The following ADAMTSL1 variants were observed in gnomAD, a reference collection of about 807,000 sequenced individuals.
ADAMTSL1 encodes ADAMTS-like protein 1.
Under a neutral mutation model 201.8 loss-of-function variants are expected in ADAMTSL1, and 126 were observed. The observed-to-expected ratio is 0.62, with a 90% confidence interval of 0.54 to 0.72. ADAMTSL1 has a LOEUF of 0.72. ADAMTSL1 is among the 30% of genes least tolerant of loss of function. ADAMTSL1 has a pLI of 0.00. For synonymous variants in ADAMTSL1, 1,121 were observed against 903.4 expected, an observed-to-expected ratio of 1.24 and a Z score of -4.32; for missense variants, 2,679 against 2,277.8, an observed-to-expected ratio of 1.18 and a Z score of -3.59.
chr9:18,170,446 T>C (rs1319920286), intron 2 of ADAMTSL1, among the ~76,000 whole-genome samples: 1 of 151,992 alleles, frequency 6.6e-6, no homozygotes, highest in East Asian at 1.9e-4. Context: ...AATATAATTT[T>C]AGAAAGGTAC....
intron 27 of ADAMTSL1, among the ~76,000 whole-genome samples, chr9:18,906,309 C>T (rs1372354043): frequency 6.6e-6 from 1 of 152,148 alleles, no homozygotes; most frequent in Non-Finnish European, 1.5e-5. Context: ...CTCAACCTAC[C>T]ATTCCTATCC....
chr9:18,777,674 TCCACCGGGG>T lies in ADAMTSL1; in HGVS notation c.3446_3454del (p.Ser1149_Asp1152delinsTyr). On this transcript the variant is annotated inframe_deletion, in exon 19 of 29. Transcript: ENST00000380548. ...CTTCAGCAGCTCCCTGCGGACCTCC[TCCACCGGGG>T]ACGCCGGGGGAGGCTCTCGAAGGCC... 1.9e-6 allele frequency: 3 copies of T among 1,613,512 alleles called. No homozygotes were observed. Among genetic ancestry groups the T allele is most frequent in the Non-Finnish European group, 2.5e-6 (3 of 1,179,796 alleles).
intron 2 of ADAMTSL1, among the ~76,000 whole-genome samples, chr9:18,355,720 A>G (rs1836191409): frequency 6.6e-6 from 1 of 152,234 alleles, no homozygotes; most frequent in Non-Finnish European, 1.5e-5. Context: ...AAATTAAAAA[A>G]TGCTGGCCAG....
At chr9:17,951,408 C>A (rs1827723489) in intron 1 of ADAMTSL1, among the ~76,000 whole-genome samples, 1 of 152,102 alleles carries the variant, frequency 6.6e-6, no homozygotes, top group Non-Finnish European at 1.5e-5. Context: ...ATATTGCCAT[C>A]TTGTCCTCCC....
At chr9:18,099,706 T>G (rs1265491666) in intron 1 of ADAMTSL1, among the ~76,000 whole-genome samples, 1 of 150,594 alleles carries the variant, frequency 6.6e-6, no homozygotes, top group African/African-American at 2.5e-5. Flanking sequence ...GGCGCAATCT[T>G]GGCTCACTGC....
chr9:18,776,708 TG>T, intron 18 of ADAMTSL1, 72 bp from the exon 19 acceptor site: 1 of 1,444,420 alleles, frequency 6.9e-7, no homozygotes, highest in Admixed American at 2.4e-5. Context: ...CCCTCTCTCC[TG>T]GCTGCATCTC....
intron 3 of ADAMTSL1, among the ~76,000 whole-genome samples, chr9:18,545,800 G>A (rs1280239688): frequency 1.3e-5 from 2 of 152,172 alleles, no homozygotes; most frequent in African/African-American, 2.4e-5. Context: ...TACTACTGCA[G>A]TTCATCCCTT....
chr9:18,701,795 T>C (rs1308298830), intron 13 of ADAMTSL1, among the ~76,000 whole-genome samples: 1 of 152,228 alleles, frequency 6.6e-6, no homozygotes, highest in Non-Finnish European at 1.5e-5. Flanking sequence ...CCTATAAAGC[T>C]GTTTTTATTT....
intron 16 of ADAMTSL1, among the ~76,000 whole-genome samples, chr9:18,758,233 A>G (rs1292575207): frequency 1.3e-5 from 2 of 152,168 alleles, no homozygotes; most frequent in Non-Finnish European, 2.9e-5. Context: ...CTTTCCCAAG[A>G]CTTCTTTACT....
chr9:18,412,863 G>C (rs1818506834), intron 2 of ADAMTSL1, among the ~76,000 whole-genome samples: 1 of 152,092 alleles, frequency 6.6e-6, no homozygotes, highest in Admixed American at 6.6e-5. Context: ...TATAGAGTCA[G>C]CTATTTCTTC....
At chr9:18,273,279 C>A (rs1832454824) in intron 2 of ADAMTSL1, among the ~76,000 whole-genome samples, 1 of 152,124 alleles carries the variant, frequency 6.6e-6, no homozygotes, top group African/African-American at 2.4e-5. Flanking sequence ...CGGAGTTTCA[C>A]CATGTTGGCC....
intron 2 of ADAMTSL1, among the ~76,000 whole-genome samples, chr9:18,199,747 C>A (rs1235744466): frequency 3.3e-5 from 5 of 151,954 alleles, no homozygotes; most frequent in African/African-American, 1.2e-4. Context: ...ATATGCTGAT[C>A]CTCCAAGGTA....
intron 2 of ADAMTSL1, among the ~76,000 whole-genome samples, chr9:18,327,217 A>T (rs4129608): frequency 6.6e-6 from 1 of 152,070 alleles, no homozygotes; most frequent in African/African-American, 2.4e-5. Context: ...TGCTGTTCTG[A>T]TATTGCATTT....
rs115432100 is a variant in ADAMTSL1, at chr9:17,971,749, G to C, written c.87+64827G>C. Among the ~76,000 whole-genome samples, 775 of 151,964 alleles carry C rather than the reference G, an allele frequency of 5.1e-3. 8 individuals carry two copies. The highest frequency in any genetic ancestry group is 0.017 in the African/African-American group (725 of 41,502). ...TTCTTCTGCCTGTACACTTGAAGAT[G>C]CCTGTCCAAAAGATACATTTTTAAC... is the stretch of plus-strand genomic sequence containing the variant. On this transcript the variant is annotated intron_variant, in intron 1 of 29. Coordinates refer to the ADAMTSL1 transcript ENST00000680146.
intron 1 of ADAMTSL1, among the ~76,000 whole-genome samples, chr9:18,003,448 A>G (rs951043472): frequency 3.3e-5 from 5 of 152,070 alleles, no homozygotes; most frequent in African/African-American, 7.2e-5. Context: ...GCCAGTTCCA[A>G]TGATGCTGCA....
intron 2 of ADAMTSL1, among the ~76,000 whole-genome samples, chr9:18,437,672 G>C (rs1819799404): frequency 6.6e-6 from 1 of 152,004 alleles, no homozygotes; most frequent in Non-Finnish European, 1.5e-5. Flanking sequence ...CACAATACTA[G>C]ATCATATTAT....
intron 4 of ADAMTSL1, among the ~76,000 whole-genome samples, chr9:18,619,565 A>G (rs1825899501): frequency 6.6e-6 from 1 of 152,200 alleles, no homozygotes; most frequent in Non-Finnish European, 1.5e-5. Context: ...CTCTTAAAGT[A>G]TGTCACCTCC....
At chr9:18,626,878 C>CTTTCTTACTTT (rs1461320087) in intron 5 of ADAMTSL1, among the ~76,000 whole-genome samples, 18 of 90,078 alleles carry the variant, frequency 2.0e-4, no homozygotes, top group African/African-American at 1.1e-3. Context: ...TGTCTTTCTT[C>CTTTCTTACTTT]CTTCCTTCCT....
chr9:18,218,693 T>TCTTTATA (rs1262369014), intron 2 of ADAMTSL1, among the ~76,000 whole-genome samples: 1 of 152,068 alleles, frequency 6.6e-6, no homozygotes, highest in Non-Finnish European at 1.5e-5. Context: ...ATAAGAGATA[T>TCTTTATA]TATCTTTCAG....
Sources: allele counts gnomAD v4.1 joint callset (sites outside exome capture counted in the v4.1 genomes callset), GRCh38; gene constraint gnomAD v4.1.1; transcripts MANE v1.5; gene names NCBI Gene and HGNC (gene_info 2026-07-23, HGNC 2026-07-21).